The following PNMA8A variants were observed in gnomAD, a reference collection of about 807,000 sequenced individuals.
The protein encoded by PNMA8A is PNMA family member 8A, also known as paraneoplastic antigen-like protein 8A.
In PNMA8A, 17 loss-of-function variants were observed where a neutral mutation model predicts 26.6. The observed-to-expected ratio is 0.64, with a 90% CI of 0.44 to 0.96. The LOEUF (loss-of-function observed/expected upper bound fraction) is 0.96. Ranked by LOEUF, PNMA8A falls within the 40% of genes least tolerant of loss-of-function variation. PNMA8A has a pLI of 0.00. For synonymous variants in PNMA8A, 224 were observed against 182.0 expected, an observed-to-expected ratio of 1.23 and a Z score of -1.86; for missense variants, 532 against 488.4, an observed-to-expected ratio of 1.09 and a Z score of -0.84.
At position 46,471,094 on chromosome 19, in the gene PNMA8A, A is replaced by C. The variant is rs1395851594; in HGVS notation, c.-59T>G. 3.2e-5 allele frequency: 22 copies of C among 680,448 alleles called. 1 individual carries two copies. Among genetic ancestry groups the C allele is most frequent in the Middle Eastern group, 2.5e-4 (1 of 4,024 alleles). The allele number at this position is 680,448 out of a possible 1,614,324, so 42.2% of individuals were successfully genotyped here. On this transcript the variant is annotated 5_prime_UTR_variant, in exon 2 of 3. Transcript: ENST00000313683. ...AGTCTATCAGGTGGACGTGGGCTGCAGCGGTCTCCAAACAGTAATCCTGCA... is the reference window on the plus strand; with the variant it reads ...AGTCTATCAGGTGGACGTGGGCTGCCGCGGTCTCCAAACAGTAATCCTGCA...
At position 46,471,020 on chromosome 19, in the gene PNMA8A, C is replaced by G. The variant is rs1281024730; in HGVS notation, c.16G>C (p.Ala6Pro). 2.6e-6 allele frequency: 2 copies of G among 772,798 alleles called. No homozygotes were observed. 47.9% of individuals were successfully genotyped at this position (772,798 alleles called of 1,614,324 possible). Reference protein sequence around the residue: MSKTMAMNLLEDWCRG... With the variant: MSKTMPMNLLEDWCRG... ...CACCAATCCTCCAGAAGGTTCATCG[C>G]CATGGTCTTGGACATTTAGCGGCTC... is the stretch of plus-strand genomic sequence containing the variant. The change falls in exon 2 of 3, where the codon GCG becomes CCG. Residue 6 changes from alanine (A) to proline (P), a missense_variant. By Grantham distance (27) the Ala-to-Pro change is conservative. Coordinates refer to ENST00000313683, the MANE Select transcript of PNMA8A (RefSeq NM_018215.4).
chr19:46,470,204 C>G lies in PNMA8A; in HGVS notation c.832G>C (p.Asp278His). 6.2e-7 allele frequency: 1 copy of G among 1,614,192 alleles called. No individual in the cohort carries two copies. The highest frequency in any genetic ancestry group is 1.3e-5 in the African/African-American group (1 of 75,074). ...TCTGAGATCGCCATGCTTTCAGCAT[C>G]ACCCACCTCAGGATCCTCCAAGTTA... Reference protein sequence around the residue: ...TANLEDPEVGDAESMAISEPI... With the variant: ...TANLEDPEVGHAESMAISEPI... The change falls in exon 2 of 3, where the codon GAT becomes CAT. Residue 278 changes from aspartate (D) to histidine (H), a missense_variant. Physicochemically the swap from Asp to His is moderately conservative, Grantham distance 81. Transcript: ENST00000313683.
intron 2 of PNMA8A, among the ~76,000 whole-genome samples, chr19:46,469,299 G>A (rs898682128): frequency 1.3e-5 from 2 of 151,554 alleles, no homozygotes; most frequent in South Asian, 2.1e-4. Flanking sequence ...TAGTAGAGAC[G>A]GGGTTTCACC....
chr19:46,470,618 G>T lies in PNMA8A; in HGVS notation c.418C>A (p.His140Asn). Residue 140 changes from histidine to asparagine, a missense_variant, in exon 2 of 3, where the codon CAT becomes AAT. Transcript: ENST00000313683. Reference sequence around the variant, plus strand: ...TCTGCCCAGTTCTCTGGGGGCTGATGCTGGTTCTGGGACAGGGTGGGGTGG... The same window carrying T: ...TCTGCCCAGTTCTCTGGGGGCTGATTCTGGTTCTGGGACAGGGTGGGGTGG... Reference protein sequence around the residue: ...LNHPTLSQNQHQPPENWAEAL... With the variant: ...LNHPTLSQNQNQPPENWAEAL... 1 of 1,607,642 alleles carries T rather than the reference G, an allele frequency of 6.2e-7. No homozygotes were observed.
Position 46,468,528 on chromosome 19 carries a change from C to G in PNMA8A, c.*33G>C, listed in dbSNP as rs1370102901. 2 of 1,607,516 alleles carry G rather than the reference C, an allele frequency of 1.2e-6. No homozygotes were observed. The highest frequency in any genetic ancestry group is 1.7e-6 in the Non-Finnish European group (2 of 1,174,246). On this transcript the variant is annotated 3_prime_UTR_variant, in exon 3 of 3. Coordinates refer to ENST00000313683, the MANE Select transcript of PNMA8A (RefSeq NM_018215.4). ...GTTGACTTGGTACTTCTTCCTTGTT[C>G]TTTCAACTCCTCAGTATGGGTGGTC...
chr19:46,470,811 T>G lies in PNMA8A; in HGVS notation c.225A>C (p.Glu75Asp). Residue 75 changes from glutamate to aspartate, a missense_variant, in exon 2 of 3, where the codon GAA becomes GAC. By Grantham distance (45) the Glu-to-Asp change is conservative. Coordinates refer to ENST00000313683, the MANE Select transcript of PNMA8A (RefSeq NM_018215.4). ...GGGGGATGGTGCTCAGATTCACACCTTCACCAACCTCAATGAGGGCAGCTT... is the reference window on the plus strand; with the variant it reads ...GGGGGATGGTGCTCAGATTCACACCGTCACCAACCTCAATGAGGGCAGCTT... ...NVKAALIEVG[E>D]GVNLSTIPRE... 1.3e-6 allele frequency: 1 copy of G among 781,760 alleles called. No individual in the cohort carries two copies. Among genetic ancestry groups the G allele is most frequent in the Non-Finnish European group, 2.4e-6 (1 of 418,750 alleles). 48.4% of individuals were successfully genotyped at this position (781,760 alleles called of 1,614,324 possible).
rs2147465682 is a variant in PNMA8A, at chr19:46,470,071, G to C, written c.965C>G (p.Ala322Gly). 6.3e-7 allele frequency: 1 copy of C among 1,589,906 alleles called. No individual in the cohort carries two copies. Among genetic ancestry groups the C allele is most frequent in the East Asian group, 2.2e-5 (1 of 44,604 alleles). The change falls in exon 2 of 3, where the codon GCC becomes GGC. Residue 322 changes from alanine to glycine, a missense_variant. Transcript: ENST00000313683. Reference sequence around the variant, plus strand: ...TCCTGGGCTCTCGGCTTCTGCCCGGGCATCCTGAGGTGGCTCTCTGGGACC... The same window carrying C: ...TCCTGGGCTCTCGGCTTCTGCCCGGCCATCCTGAGGTGGCTCTCTGGGACC... Reference protein sequence around the residue: ...WKGPREPPQDARAEAESPGGA... With the variant: ...WKGPREPPQDGRAEAESPGGA...
At position 46,467,671 on chromosome 19, in the gene PNMA8A, G is replaced by A. The variant is rs1016303611; in HGVS notation, c.*890C>T. 1 of 152,316 alleles carries A rather than the reference G, an allele frequency of 6.6e-6. No homozygotes were observed. Among genetic ancestry groups the A allele is most frequent in the Non-Finnish European group, 1.5e-5 (1 of 68,144 alleles). 9.4% of individuals were successfully genotyped at this position (152,316 alleles called of 1,614,324 possible). A position where few individuals can be genotyped will look rare whatever the true frequency, so the allele number is the denominator to read the frequency against. On this transcript the variant is annotated 3_prime_UTR_variant, in exon 3 of 3. Transcript: ENST00000313683. ...ACCTGCCTCAGCCTCCCAAAGTGCT[G>A]GGATTACAGGCGTGAGCCACCGTGC...
At position 46,470,069 on chromosome 19, in the gene PNMA8A, G is replaced by C. The variant is rs200193893; in HGVS notation, c.967C>G (p.Arg323Gly). 6.3e-7 allele frequency: 1 copy of C among 1,591,658 alleles called. No individual in the cohort carries two copies. Among genetic ancestry groups the C allele is most frequent in the Non-Finnish European group, 8.5e-7 (1 of 1,171,618 alleles). Reference protein sequence around the residue: ...KGPREPPQDARAEAESPGGAS... With the variant: ...KGPREPPQDAGAEAESPGGAS... The stretch of plus-strand genomic sequence containing the variant: ...CCTCCTGGGCTCTCGGCTTCTGCCC[G>C]GGCATCCTGAGGTGGCTCTCTGGGA... The change falls in exon 2 of 3, where the codon CGG (arginine) becomes GGG (glycine). Residue 323 changes from arginine (R) to glycine (G), a missense_variant. By Grantham distance (125) the Arg-to-Gly change is moderately radical. Transcript: ENST00000313683.
Position 46,468,379 on chromosome 19 carries a change from C to A in PNMA8A, c.*182G>T. The A allele has an allele frequency of 1.8e-6, 1 of 559,440 alleles. No homozygotes were observed. The allele number at this position is 559,440 out of a possible 1,614,324, so 34.7% of individuals were successfully genotyped here. A position where few individuals can be genotyped will look rare whatever the true frequency, so the allele number is the denominator to read the frequency against. Reference sequence around the variant, plus strand: ...CTGGTAGAGAAAAGGGCATAGAGATCCACCTCCCTTCCCCAACTCCCTCCC... The same window carrying A: ...CTGGTAGAGAAAAGGGCATAGAGATACACCTCCCTTCCCCAACTCCCTCCC... On this transcript the variant is annotated 3_prime_UTR_variant, in exon 3 of 3. Transcript: ENST00000313683.
chr19:46,471,141 A>G (rs1307926418), intron 1 of PNMA8A, 27 bp from the exon 2 acceptor site: 1 of 621,568 alleles, frequency 1.6e-6, no homozygotes, highest in African/African-American at 1.8e-5. Flanking sequence ...GAGCGAGGTC[A>G]CGTTCCCAGG....
rs1969737409 is a variant in PNMA8A at position 46,468,460 on chromosome 19, C to T, written c.*101G>A. 4.4e-6 allele frequency: 5 copies of T among 1,134,032 alleles called. No homozygotes were observed. Among genetic ancestry groups the T allele is most frequent in the Non-Finnish European group, 6.7e-6 (5 of 744,654 alleles). The allele number at this position is 1,134,032 out of a possible 1,614,324, so 70.2% of individuals were successfully genotyped here. A position where few individuals can be genotyped will look rare whatever the true frequency, so the allele number is the denominator to read the frequency against. On this transcript the variant is annotated 3_prime_UTR_variant, in exon 3 of 3. Coordinates refer to ENST00000313683, the MANE Select transcript of PNMA8A (RefSeq NM_018215.4). ...GGCCAGATCTCTATCAACAGGGGCC[C>T]TAAGAGAGTCCAAAGTCTTATTCAG...
intron 1 of PNMA8A, 108 bp from the exon 2 acceptor site, chr19:46,471,222 A>C (rs1969789049): frequency 1.9e-6 from 1 of 535,754 alleles, no homozygotes; most frequent in Admixed American, 3.3e-5. Flanking sequence ...GCGCTTTCCC[A>C]ACACCCTCCT....
In PNMA8A at chr19:46,467,974, A is replaced by G. The variant is rs1969730707; in HGVS notation, c.*587T>C. 6.7e-6 allele frequency: 1 copy of G among 150,034 alleles called. No individual in the cohort carries two copies. The highest frequency in any genetic ancestry group is 2.4e-5 in the African/African-American group (1 of 41,362). 9.3% of individuals were successfully genotyped at this position (150,034 alleles called of 1,614,324 possible). On this transcript the variant is annotated 3_prime_UTR_variant, in exon 3 of 3. Transcript: ENST00000313683. ...CAAAGACTTTGAGGTCTAGGCAGACATTCTTTTTCCCTAAAACTAACTCTT... is the reference window on the plus strand; with the variant it reads ...CAAAGACTTTGAGGTCTAGGCAGACGTTCTTTTTCCCTAAAACTAACTCTT...
In PNMA8A at chr19:46,471,000, A is replaced by G. The variant is rs749116110; in HGVS notation, c.36T>C (p.Asp12=). 1 of 777,870 alleles carries G rather than the reference A, an allele frequency of 1.3e-6. No individual in the cohort carries two copies. The allele number at this position is 777,870 out of a possible 1,614,324, so 48.2% of individuals were successfully genotyped here. Residue 12 remains aspartate, a synonymous_variant, in exon 2 of 3, where the codon GAT becomes GAC. Coordinates refer to ENST00000313683, the MANE Select transcript of PNMA8A (RefSeq NM_018215.4). ...TGTCCACTTCCATTCCCCTGCACCA[A>G]TCCTCCAGAAGGTTCATCGCCATGG... ...SKTMAMNLLE[D]WCRGMEVDIH...
At position 46,468,275 on chromosome 19, in the gene PNMA8A, C is replaced by A. The variant is rs1229585353; in HGVS notation, c.*286G>T. On this transcript the variant is annotated 3_prime_UTR_variant, in exon 3 of 3. Transcript: ENST00000313683. ...TCATGCATAAAGGGGAATGAATGTT[C>A]TAGAATTTTCCCAATCCTCTTACCA... 8 of 456,522 alleles carry A rather than the reference C, an allele frequency of 1.8e-5. No homozygotes were observed. Among genetic ancestry groups the A allele is most frequent in the Admixed American group, 3.4e-5 (1 of 29,302 alleles). The allele number at this position is 456,522 out of a possible 1,614,324, so 28.3% of individuals were successfully genotyped here.
rs116676666 is a variant in PNMA8A, at chr19:46,470,801, G to T, written c.235C>A (p.Leu79Met). The change falls in exon 2 of 3, where the codon CTG (leucine) becomes ATG (methionine). Residue 79 changes from leucine (L) to methionine (M), a missense_variant. Transcript: ENST00000313683. ...GGGAATTCACGGGGGATGGTGCTCAGATTCACACCTTCACCAACCTCAATG... is the reference window on the plus strand; with the variant it reads ...GGGAATTCACGGGGGATGGTGCTCATATTCACACCTTCACCAACCTCAATG... ...ALIEVGEGVN[L>M]STIPREFPGR... 8.6e-4 allele frequency: 674 copies of T among 782,420 alleles called. No homozygotes were observed. The highest frequency in any genetic ancestry group is 1.3e-3 in the South Asian group (95 of 74,656). 48.5% of individuals were successfully genotyped at this position (782,420 alleles called of 1,614,324 possible).
In PNMA8A at chr19:46,470,487, C is replaced by T; in HGVS notation, c.549G>A (p.Glu183=). The T allele has an allele frequency of 6.2e-7, 1 of 1,614,096 alleles. No homozygotes were observed. Among genetic ancestry groups the T allele is most frequent in the South Asian group, 1.1e-5 (1 of 91,092 alleles). ...CTGCTAAAGCCCAGGCTGCCATCTC[C>T]TCGAATTCAGCGGCCTCCTGGGCCC... ...EARAQEAAEF[E]EMAAWALAAG... Residue 183 remains glutamate, a synonymous_variant, in exon 2 of 3, where the codon GAG becomes GAA. Coordinates refer to ENST00000313683, the MANE Select transcript of PNMA8A (RefSeq NM_018215.4).
chr19:46,468,704 C>T (rs545907602), intron 2 of PNMA8A, 127 bp from the exon 3 acceptor site: 321 of 746,242 alleles, frequency 4.3e-4, no homozygotes, highest in Non-Finnish European at 6.2e-4. Context: ...TAGAAAACTT[C>T]ACCCTTAAAG....
Sources: allele counts gnomAD v4.1 joint callset (sites outside exome capture counted in the v4.1 genomes callset), GRCh38; gene constraint gnomAD v4.1.1; transcripts MANE v1.5; gene names NCBI Gene and HGNC (gene_info 2026-07-23, HGNC 2026-07-21).